Variants in COPA observed in about 807,000 individuals in gnomAD.
COPA encodes the protein coatomer subunit alpha.
In COPA, 10 loss-of-function variants were observed where a neutral mutation model predicts 158.7. The observed-to-expected ratio is 0.06, with a 90% CI of 0.04 to 0.11. The LOEUF is 0.11. Among genes scored for constraint, COPA ranks in the 10% least tolerant of loss-of-function variants. The pLI is 1.00. For missense variants in COPA, 1,065 were observed against 1,536.7 expected (o/e 0.69, Z 5.13); for synonymous variants, 462 against 542.8 (o/e 0.85, Z 2.07).
intron 9 of COPA, 73 bp from the exon 10 acceptor site, chr1:160,313,240 A>C (rs1349128581): frequency 7.4e-7 from 1 of 1,343,554 alleles, no homozygotes; most frequent in East Asian, 2.3e-5. Context: ...AAGAATATTA[A>C]ATGGTAAGCC....
At chr1:160,319,911 T>A in intron 8 of COPA, among the ~76,000 whole-genome samples, 3 of 106,866 alleles carry the variant, frequency 2.8e-5, no homozygotes, top group East Asian at 2.5e-4. Context: ...TAAACACCTA[T>A]GTCAAAAAAA....
chr1:160,331,120 C>T (rs1647492970), intron 6 of COPA, among the ~76,000 whole-genome samples: 1 of 152,050 alleles, frequency 6.6e-6, no homozygotes. Flanking sequence ...CAGAGAACTA[C>T]AGCATTTAGT....
chr1:160,308,646 C>G (rs911423757), intron 13 of COPA, among the ~76,000 whole-genome samples: 1 of 152,152 alleles, frequency 6.6e-6, no homozygotes, highest in Non-Finnish European at 1.5e-5. Context: ...ATCCTGGGAT[C>G]CCAGGTGGGG....
At chr1:160,295,622 A>C in intron 23 of COPA, 114 bp downstream of exon 23, 1 of 1,084,094 alleles carries the variant, frequency 9.2e-7, no homozygotes, top group East Asian at 2.6e-5. Flanking sequence ...TCAATATTCC[A>C]TTAGGCTCCA....
In COPA at chr1:160,310,266, T is replaced by C. The variant is rs942308210; in HGVS notation, c.1077-8A>G. The C allele has an allele frequency of 3.8e-6, 6 of 1,567,742 alleles. No homozygotes were observed. In the African/African-American group the frequency reaches 5.5e-5, roughly 14 times the overall value. ...ACTGGAAACTTGGAACCACTAGAGA[T>C]ATATATAGAAAAAGGAGAAAACAGG... On this transcript the variant is annotated splice_region_variant and splice_polypyrimidine_tract_variant and intron_variant, in intron 11 of 32. Transcript: ENST00000241704.
chr1:160,313,344 G>T (rs1397333899), intron 9 of COPA, among the ~76,000 whole-genome samples, 177 bp from the exon 10 acceptor site: 3 of 152,020 alleles, frequency 2.0e-5, no homozygotes, highest in African/African-American at 7.2e-5. Context: ...AAAAAGAGGA[G>T]ACTTCAAAAC....
intron 11 of COPA, 77 bp downstream of exon 11, chr1:160,311,791 A>G: frequency 7.8e-7 from 1 of 1,275,800 alleles, no homozygotes; most frequent in Non-Finnish European, 1.0e-6. Context: ...AAGAAAGAAA[A>G]GAAGAGTCTT....
intron 15 of COPA, 27 bp downstream of exon 15, chr1:160,306,327 T>C (rs1386094014): frequency 6.4e-7 from 1 of 1,560,124 alleles, no homozygotes; most frequent in African/African-American, 1.4e-5. Flanking sequence ...TACAGGGCTG[T>C]CTGCTTAGGG....
intron 17 of COPA, among the ~76,000 whole-genome samples, chr1:160,304,494 T>C (rs1658717839): frequency 6.6e-6 from 1 of 151,610 alleles, no homozygotes; most frequent in Admixed American, 6.6e-5. Flanking sequence ...TGAAACCCTG[T>C]CTCTACTAAA....
At chr1:160,320,595 C>T (rs1184534819) in intron 8 of COPA, among the ~76,000 whole-genome samples, 3 of 105,912 alleles carry the variant, frequency 2.8e-5, no homozygotes, top group Admixed American at 1.4e-4. Flanking sequence ...GGCAACACAG[C>T]GAGACTCCAA....
At chr1:160,311,820 AG>A in intron 11 of COPA, 47 bp downstream of exon 11, 1 of 1,543,738 alleles carries the variant, frequency 6.5e-7, no homozygotes, top group East Asian at 2.3e-5. Flanking sequence ...GAGTTGTATC[AG>A]GGTGACAGAT....
Position 160,289,003 on chromosome 1 carries a change from C to T in COPA, c.*1154G>A, listed in dbSNP as rs899589122. On this transcript the variant is annotated 3_prime_UTR_variant, in exon 33 of 33. Transcript: ENST00000241704. ...TCTTTTTTTTTGAGATGGAGTCTCA[C>T]TCTGTCGCCCAGGCTGGAGTGCGGT... Among the ~76,000 whole-genome samples, 1 of 152,062 alleles carries T rather than the reference C, an allele frequency of 6.6e-6. No homozygotes were observed. Among genetic ancestry groups the T allele is most frequent in the Non-Finnish European group, 1.5e-5 (1 of 68,026 alleles).
In COPA at chr1:160,339,211, T is replaced by C. The variant is rs375078354; in HGVS notation, c.228+698A>G. Among the ~76,000 whole-genome samples, 20 of 130,838 alleles carry C rather than the reference T, an allele frequency of 1.5e-4. No individual in the cohort carries two copies. The East Asian group carries it at 4.4e-3, about 29-fold the overall frequency. The allele number at this position is 130,838 out of a possible 152,430, so 85.8% of individuals were successfully genotyped here. On this transcript the variant is annotated intron_variant, in intron 3 of 32. Transcript: ENST00000241704. ...AGACACACTGATTCATTTCCTTAAA[T>C]TCTCACATCCATCTCCTTCTCTCCA...
intron 17 of COPA, among the ~76,000 whole-genome samples, chr1:160,302,542 CAA>C (rs1658644380): frequency 7.1e-6 from 1 of 141,228 alleles, no homozygotes; most frequent in Admixed American, 7.2e-5. Context: ...TGGAATTTCA[CAA>C]GTTACTTTTT....
chr1:160,332,188 T>C (rs538204118), intron 6 of COPA, among the ~76,000 whole-genome samples: 6 of 152,312 alleles, frequency 3.9e-5, no homozygotes, highest in Admixed American at 3.3e-4. Context: ...AGTAAATAGA[T>C]TTTAACAAAA....
rs1658345381 is a variant in COPA at position 160,294,774 on chromosome 1, C to T, written c.2560G>A (p.Asp854Asn). 1 of 1,614,028 alleles carries T rather than the reference C, an allele frequency of 6.2e-7. No individual in the cohort carries two copies. Among genetic ancestry groups the T allele is most frequent in the Non-Finnish European group, 8.5e-7 (1 of 1,180,006 alleles). ...GWGEDAELQLDEDGFVEATEG... is the reference protein window; with the variant it reads ...GWGEDAELQLNEDGFVEATEG... Reference sequence around the variant, plus strand: ...CTTAAAACAGCACTTTTACCTTCATCCAACTGCAGCTCTGCATCCTCTCCC... The same window carrying T: ...CTTAAAACAGCACTTTTACCTTCATTCAACTGCAGCTCTGCATCCTCTCCC... The change falls in exon 24 of 33, where the codon GAT becomes AAT. Residue 854 changes from aspartate to asparagine, a missense_variant. By Grantham distance (23) the Asp-to-Asn change is conservative. Coordinates refer to ENST00000241704, the MANE Select transcript of COPA (RefSeq NM_004371.4).
At chr1:160,313,788 G>A (rs1571165558) in intron 9 of COPA, among the ~76,000 whole-genome samples, 3 of 151,994 alleles carry the variant, frequency 2.0e-5, no homozygotes, top group Admixed American at 6.5e-5. Flanking sequence ...AAATTTAGAG[G>A]CAAAAAATAA....
chr1:160,309,150 G>C lies in COPA; in HGVS notation c.1170C>G (p.Thr390=). Residue 390 remains threonine (T), a synonymous_variant, in exon 13 of 33, where the codon ACC becomes ACG. Coordinates refer to ENST00000241704, the MANE Select transcript of COPA (RefSeq NM_004371.4). ...CTRASNLENS[T]YDLYTIPKDA... The stretch of plus-strand genomic sequence containing the variant: ...CTTTAGGGATGGTGTACAGGTCATA[G>C]GTACTATTCTCTAGATTGCTAGCTC... The C allele has an allele frequency of 6.2e-7, 1 of 1,613,644 alleles. No individual in the cohort carries two copies. Among genetic ancestry groups the C allele is most frequent in the Non-Finnish European group, 8.5e-7 (1 of 1,179,600 alleles).
intron 6 of COPA, among the ~76,000 whole-genome samples, chr1:160,328,734 A>T (rs2101867081): frequency 6.6e-6 from 1 of 152,358 alleles, no homozygotes; most frequent in African/African-American, 2.4e-5. Context: ...GCTCAAGTTA[A>T]GAAAGTAACC....
Sources: gnomAD v4.1 joint callset for allele counts (sites outside exome capture counted in the v4.1 genomes callset) on GRCh38, gnomAD v4.1.1 for gene constraint, MANE v1.5 for transcripts, NCBI Gene and HGNC (gene_info 2026-07-23, HGNC 2026-07-21) for gene names.